The following GDPD5 variants were observed in gnomAD, a reference collection of about 807,000 sequenced individuals.
GDPD5 encodes glycerophosphodiester phosphodiesterase 2.
Under a neutral mutation model 75.1 loss-of-function variants are expected in GDPD5, and 48 were observed. The ratio of observed to expected loss-of-function variants is 0.64; its 90% CI spans 0.51 to 0.81. The LOEUF (loss-of-function observed/expected upper bound fraction) is 0.81, where lower values mean the gene tolerates loss of function less well. Among genes scored for constraint, GDPD5 ranks in the 40% least tolerant of loss-of-function variants. The pLI is 0.00. For synonymous variants in GDPD5, 336 were observed against 339.0 expected, an observed-to-expected ratio of 0.99 and a Z score of 0.10; for missense variants, 706 against 822.6, an observed-to-expected ratio of 0.86 and a Z score of 1.73.
intron 2 of GDPD5, among the ~76,000 whole-genome samples, chr11:75,487,875 C>T (rs1950045791): frequency 6.6e-6 from 1 of 152,202 alleles, no homozygotes; most frequent in Non-Finnish European, 1.5e-5. Context: ...TCCAAATGCC[C>T]CAAATTGGAC....
intron 1 of GDPD5, among the ~76,000 whole-genome samples, chr11:75,492,021 C>T (rs1474607323): frequency 6.6e-6 from 1 of 152,204 alleles, no homozygotes; most frequent in African/African-American, 2.4e-5. Flanking sequence ...TCCCAGTGCT[C>T]CTTCCACCAC....
At chr11:75,513,528 A>C (rs1260517112) in intron 1 of GDPD5, among the ~76,000 whole-genome samples, 1 of 152,176 alleles carries the variant, frequency 6.6e-6, no homozygotes, top group Non-Finnish European at 1.5e-5. Context: ...TGCTGTGAGG[A>C]TGCAATGACA....
At chr11:75,489,536 G>T (rs1257471637) in intron 2 of GDPD5, among the ~76,000 whole-genome samples, 1 of 152,204 alleles carries the variant, frequency 6.6e-6, no homozygotes, top group Non-Finnish European at 1.5e-5. Flanking sequence ...ATGATATAAG[G>T]CCTCCAAATC....
chr11:75,449,448 C>T lies in GDPD5; in HGVS notation c.568+69G>A, dbSNP rs563109042. On this transcript the variant is annotated intron_variant, in intron 8 of 16. Coordinates refer to ENST00000336898, the MANE Select transcript of GDPD5 (RefSeq NM_030792.8). ...GGCCACCCCCAGGGAAAGCCCAGGT[C>T]GGGGCAGCACCAGCTGGTCTTGGCA... The T allele has an allele frequency of 6.3e-6, 9 of 1,437,178 alleles. No individual in the cohort carries two copies. In the South Asian group the frequency reaches 7.5e-5, roughly 12 times the overall value. 89.0% of individuals were successfully genotyped at this position (1,437,178 alleles called of 1,614,324 possible).
At chr11:75,470,394 C>G (rs568681209) in intron 3 of GDPD5, among the ~76,000 whole-genome samples, 1 of 152,280 alleles carries the variant, frequency 6.6e-6, no homozygotes, top group East Asian at 1.9e-4. Flanking sequence ...TCAAATCTAT[C>G]CCTCTTTTCC....
chr11:75,473,959 A>T lies in GDPD5; in HGVS notation c.117+3660T>A, dbSNP rs1446859595. ...AGCCTGGGGGCCGGCCCTTCAAGGG[A>T]GGGGAAAACCAGGTCTGATATACTT... On this transcript the variant is annotated intron_variant, in intron 3 of 16. Coordinates refer to ENST00000336898, the MANE Select transcript of GDPD5 (RefSeq NM_030792.8). 2.0e-5 allele frequency among the ~76,000 whole-genome samples: 3 copies of T among 152,090 alleles called. No homozygotes were observed. The East Asian group carries it at 5.8e-4, about 29-fold the overall frequency.
intron 3 of GDPD5, among the ~76,000 whole-genome samples, chr11:75,467,600 C>T (rs1191191473): frequency 5.3e-5 from 8 of 151,968 alleles, no homozygotes; most frequent in Admixed American, 4.6e-4. Context: ...CTGGGGTAGG[C>T]ACCAGGAGGA....
At chr11:75,501,386 T>C (rs1356676081) in intron 1 of GDPD5, among the ~76,000 whole-genome samples, 1 of 152,090 alleles carries the variant, frequency 6.6e-6, no homozygotes, top group Non-Finnish European at 1.5e-5. Flanking sequence ...ATAGGGCACA[T>C]ATTCACGGAC....
intron 6 of GDPD5, among the ~76,000 whole-genome samples, chr11:75,454,158 C>T (rs1034661218): frequency 1.8e-4 from 27 of 152,266 alleles, no homozygotes; most frequent in African/African-American, 6.5e-4. Context: ...ATAAAGAGTT[C>T]CTGCAAATGA....
chr11:75,454,110 T>C (rs1036570735), intron 6 of GDPD5, among the ~76,000 whole-genome samples: 5 of 152,228 alleles, frequency 3.3e-5, no homozygotes, highest in Admixed American at 6.5e-5. Flanking sequence ...GAAGAATTAT[T>C]TGCAGTTTGT....
At chr11:75,524,784 G>C (rs886605872) in intron 1 of GDPD5, among the ~76,000 whole-genome samples, 3 of 152,056 alleles carry the variant, frequency 2.0e-5, no homozygotes, top group Non-Finnish European at 4.4e-5. Flanking sequence ...CTTTCCTCGC[G>C]GGTGACATGG....
intron 6 of GDPD5, chr11:75,451,850 T>C (rs1393738012): frequency 6.6e-6 from 1 of 152,276 alleles, no homozygotes; most frequent in East Asian, 1.9e-4. Context: ...GCAGCATCAC[T>C]GCATGTTCAG....
At chr11:75,512,553 A>G (rs1950546949) in intron 1 of GDPD5, among the ~76,000 whole-genome samples, 1 of 152,186 alleles carries the variant, frequency 6.6e-6, no homozygotes, top group East Asian at 1.9e-4. Flanking sequence ...GAAGAAAGTG[A>G]TCAATCTCTT....
chr11:75,439,486 G>A (rs1948726552), intron 15 of GDPD5: 1 of 403,650 alleles, frequency 2.5e-6, no homozygotes, highest in South Asian at 1.8e-5. Context: ...TTCCTGGCTG[G>A]GTGGGGGCCC....
Position 75,434,699 on chromosome 11 carries a change from A to G in GDPD5, c.*808T>C, listed in dbSNP as rs1450807729. 1 of 152,264 alleles carries G rather than the reference A, an allele frequency of 6.6e-6. No homozygotes were observed. The highest frequency in any genetic ancestry group is 1.5e-5 in the Non-Finnish European group (1 of 68,072). 9.4% of individuals were successfully genotyped at this position (152,264 alleles called of 1,614,324 possible). On this transcript the variant is annotated 3_prime_UTR_variant, in exon 17 of 17. Transcript: ENST00000336898. Reference sequence around the variant, plus strand: ...CCCTAGGTTCCCTCTGTTCAGGCCCACTTAGCCACACACCCACCCTGGCCA... The same window carrying G: ...CCCTAGGTTCCCTCTGTTCAGGCCCGCTTAGCCACACACCCACCCTGGCCA...
Position 75,436,901 on chromosome 11 carries a change from A to G in GDPD5, c.1669+35T>C, listed in dbSNP as rs192729036. ...TGTGGGGGTGCAGAAAGCTGGGCCC[A>G]GGGCCTGCCTCCACCTGTCTGCAGG... is the stretch of plus-strand genomic sequence containing the variant. On this transcript the variant is annotated intron_variant, in intron 16 of 16. Coordinates refer to ENST00000336898, the MANE Select transcript of GDPD5 (RefSeq NM_030792.8). The G allele has an allele frequency of 6.5e-5, 100 of 1,533,030 alleles. 1 individual carries two copies. The Admixed American group carries it at 1.7e-3, about 26-fold the overall frequency. 95.0% of individuals were successfully genotyped at this position (1,533,030 alleles called of 1,614,324 possible).
intron 11 of GDPD5, 152 bp from the exon 12 acceptor site, chr11:75,442,733 G>C: frequency 2.9e-6 from 2 of 679,528 alleles, no homozygotes. Flanking sequence ...GAGGCTGTAG[G>C]AGGCCCCAGC....
chr11:75,492,515 A>C (rs985748595), intron 1 of GDPD5: 16 of 152,312 alleles, frequency 1.1e-4, no homozygotes, highest in African/African-American at 3.9e-4. Flanking sequence ...ATTGGGACAC[A>C]GCAACATCTA....
At chr11:75,463,928 G>A (rs1949466339) in intron 3 of GDPD5, among the ~76,000 whole-genome samples, 1 of 152,218 alleles carries the variant, frequency 6.6e-6, no homozygotes, top group Non-Finnish European at 1.5e-5. Flanking sequence ...CTTCTGTGAA[G>A]CCTCCCTGGA....
Sources: allele counts gnomAD v4.1 joint callset (sites outside exome capture counted in the v4.1 genomes callset), GRCh38; gene constraint gnomAD v4.1.1; transcripts MANE v1.5; gene names NCBI Gene and HGNC (gene_info 2026-07-23, HGNC 2026-07-21).